The following SOCS7 variants were observed in gnomAD, a reference collection of about 807,000 sequenced individuals.
SOCS7 encodes the protein suppressor of cytokine signaling 7.
A neutral mutation model predicts 58.9 loss-of-function variants in SOCS7; 18 were observed. The ratio of observed to expected loss-of-function variants is 0.31; its 90% CI spans 0.21 to 0.45. The LOEUF (loss-of-function observed/expected upper bound fraction) is 0.45. SOCS7 is among the 20% of genes least tolerant of loss of function. SOCS7 has a pLI of 1.00. For synonymous variants in SOCS7, 388 were observed against 364.3 expected, an observed-to-expected ratio of 1.06 and a Z score of -0.74; for missense variants, 667 against 837.3, an observed-to-expected ratio of 0.80 and a Z score of 2.51.
chr17:38,359,582 C>T (rs1777503158), intron 1 of SOCS7, among the ~76,000 whole-genome samples: 1 of 151,958 alleles, frequency 6.6e-6, no homozygotes, highest in African/African-American at 2.4e-5. Flanking sequence ...ATTTTCTTTG[C>T]TTTTGCCCCT....
intron 3 of SOCS7, among the ~76,000 whole-genome samples, 197 bp downstream of exon 3, chr17:38,365,053 A>G (rs1226319505): frequency 6.6e-6 from 1 of 152,202 alleles, no homozygotes; most frequent in African/African-American, 2.4e-5. Context: ...TACTATACAT[A>G]TATTAATTCA....
intron 6 of SOCS7, among the ~76,000 whole-genome samples, chr17:38,377,403 A>G (rs951682088): frequency 1.3e-5 from 2 of 152,216 alleles, no homozygotes; most frequent in African/African-American, 2.4e-5. Context: ...GTATAATGCA[A>G]ATATTCCAAA....
rs1370792914 is a variant in SOCS7 at position 38,404,254 on chromosome 17, A to ATT, written c.*4773_*4774dup. The ATT allele has an allele frequency of 2.6e-5, 4 of 152,100 alleles. No homozygotes were observed. In the East Asian group the frequency reaches 5.8e-4, roughly 22 times the overall value. The allele number at this position is 152,100 out of a possible 1,614,324, so 9.4% of individuals were successfully genotyped here. On this transcript the variant is annotated 3_prime_UTR_variant, in exon 10 of 10. Transcript: ENST00000612932. ...GTTATGAGTTGTACTGAAAATGTTG[A>ATT]TTCTCTAATCTGCCAGAAAAGGACC...
intron 7 of SOCS7, among the ~76,000 whole-genome samples, chr17:38,383,889 T>C (rs1363431971): frequency 6.6e-6 from 1 of 152,162 alleles, no homozygotes; most frequent in Non-Finnish European, 1.5e-5. Flanking sequence ...CATTTGCTGA[T>C]GAGATATTAG....
In SOCS7 at chr17:38,384,008, C is replaced by T. The variant is rs376853310; in HGVS notation, c.1681+6166C>T. ...AGCATCTCCCCAGTAAGCGGTTCGTCCTTGTTTTATAGGTACAGAGTCATG... is the reference window on the plus strand; with the variant it reads ...AGCATCTCCCCAGTAAGCGGTTCGTTCTTGTTTTATAGGTACAGAGTCATG... On this transcript the variant is annotated intron_variant, in intron 7 of 9. Transcript: ENST00000612932. Among the ~76,000 whole-genome samples, 33 of 152,258 alleles carry T rather than the reference C, an allele frequency of 2.2e-4. 1 individual carries two copies. In the South Asian group the frequency reaches 3.5e-3, roughly 16 times the overall value.
At chr17:38,395,158 C>A (rs2038228845) in intron 7 of SOCS7, 151 bp from the exon 8 acceptor site, 1 of 680,298 alleles carries the variant, frequency 1.5e-6, no homozygotes, top group African/African-American at 1.8e-5. Flanking sequence ...AAATGGAAAT[C>A]AACAGCACTT....
chr17:38,383,975 T>A lies in SOCS7; in HGVS notation c.1681+6133T>A, dbSNP rs116866222. On this transcript the variant is annotated intron_variant, in intron 7 of 9. Coordinates refer to ENST00000612932, the MANE Select transcript of SOCS7 (RefSeq NM_014598.4). ...TCCTTTCCTGGGGATTTGTGACCAG[T>A]GTCTCTGAGCATCTCCCCAGTAAGC... Among the ~76,000 whole-genome samples the A allele has an allele frequency of 5.3e-4, 80 of 152,326 alleles. 1 individual carries two copies. The East Asian group carries it at 0.014, about 27-fold the overall frequency.
rs2038320487 is a variant in SOCS7 at position 38,401,644 on chromosome 17, G to A, written c.*2162G>A. ...GGACTATCTAAAGACGTTTATAGTA[G>A]ATAAGATCAGGGTAGACCAGATGGT... On this transcript the variant is annotated 3_prime_UTR_variant, in exon 10 of 10. Coordinates refer to ENST00000612932, the MANE Select transcript of SOCS7 (RefSeq NM_014598.4). 1 of 152,170 alleles carries A rather than the reference G, an allele frequency of 6.6e-6. No individual in the cohort carries two copies. The highest frequency in any genetic ancestry group is 1.5e-5 in the Non-Finnish European group (1 of 68,036). The allele number at this position is 152,170 out of a possible 1,614,324, so 9.4% of individuals were successfully genotyped here.
In SOCS7 at chr17:38,400,817, T is replaced by A. The variant is rs1479270965; in HGVS notation, c.*1335T>A. On this transcript the variant is annotated 3_prime_UTR_variant, in exon 10 of 10. Transcript: ENST00000612932. ...GGAGAAAAACTCCAATGGTCTTTAATGGTTTCTGCAGCTGGCCATGGCCAA... is the reference window on the plus strand; with the variant it reads ...GGAGAAAAACTCCAATGGTCTTTAAAGGTTTCTGCAGCTGGCCATGGCCAA... The A allele has an allele frequency of 2.0e-5, 3 of 152,238 alleles. No individual in the cohort carries two copies. Among genetic ancestry groups the A allele is most frequent in the African/African-American group, 7.2e-5 (3 of 41,460 alleles). 9.4% of individuals were successfully genotyped at this position (152,238 alleles called of 1,614,324 possible).
At position 38,387,129 on chromosome 17, in the gene SOCS7, G is replaced by A. The variant is rs927023989; in HGVS notation, c.1682-8180G>A. Among the ~76,000 whole-genome samples the A allele has an allele frequency of 3.7e-3, 241 of 64,630 alleles. 7 individuals carry two copies. The highest frequency in any genetic ancestry group is 0.021 in the African/African-American group (209 of 9,918). The allele number at this position is 64,630 out of a possible 152,430, so 42.4% of individuals were successfully genotyped here. A position where few individuals can be genotyped will look rare whatever the true frequency, so the allele number is the denominator to read the frequency against. On this transcript the variant is annotated intron_variant, in intron 7 of 9. Transcript: ENST00000612932. ...TATATATATATATATATATATATAT[G>A]TATGTATATATATATATATATATGA...
intron 6 of SOCS7, among the ~76,000 whole-genome samples, chr17:38,376,559 C>T (rs898803633): frequency 2.0e-5 from 3 of 152,018 alleles, no homozygotes; most frequent in Non-Finnish European, 2.9e-5. Flanking sequence ...TGGTGAAACC[C>T]TGTCTCTACT....
intron 7 of SOCS7, among the ~76,000 whole-genome samples, chr17:38,379,520 C>T (rs550583395): frequency 1.3e-5 from 2 of 152,086 alleles, no homozygotes; most frequent in Non-Finnish European, 2.9e-5. Flanking sequence ...AAAATGAGAA[C>T]TTCATGCTTT....
At chr17:38,353,065 C>A (rs1203905134) in intron 1 of SOCS7, 33 bp downstream of exon 1, 4 of 1,511,360 alleles carry the variant, frequency 2.6e-6, no homozygotes, top group Non-Finnish European at 3.5e-6. Flanking sequence ...CGACAAACTT[C>A]CTTTTCTTGT....
rs868000445 is a variant in SOCS7 at position 38,389,904 on chromosome 17, T to G, written c.1682-5405T>G. On this transcript the variant is annotated intron_variant, in intron 7 of 9. Coordinates refer to ENST00000612932, the MANE Select transcript of SOCS7 (RefSeq NM_014598.4). The stretch of plus-strand genomic sequence containing the variant: ...ATATGTACATATATATATATACACA[T>G]ATAGAGAGAGAGAGAGAGAGAGAGT... Among the ~76,000 whole-genome samples, 55 of 111,510 alleles carry G rather than the reference T, an allele frequency of 4.9e-4. 2 individuals carry two copies. Among genetic ancestry groups the G allele is most frequent in the African/African-American group, 2.2e-3 (51 of 23,544 alleles). 73.2% of individuals were successfully genotyped at this position (111,510 alleles called of 152,430 possible). A position where few individuals can be genotyped will look rare whatever the true frequency, so the allele number is the denominator to read the frequency against.
At chr17:38,373,106 CAAA>C (rs372032423) in intron 6 of SOCS7, among the ~76,000 whole-genome samples, 1 of 113,074 alleles carries the variant, frequency 8.8e-6, no homozygotes. Context: ...AACTCTGTCT[CAAA>C]AAAAAAAAAG....
chr17:38,388,619 A>G (rs2038111667), intron 7 of SOCS7, among the ~76,000 whole-genome samples: 1 of 152,222 alleles, frequency 6.6e-6, no homozygotes, highest in Non-Finnish European at 1.5e-5. Context: ...TCATCACACC[A>G]AAATGAAAAC....
chr17:38,381,770 C>T (rs2038003133), intron 7 of SOCS7, among the ~76,000 whole-genome samples: 1 of 151,186 alleles, frequency 6.6e-6, no homozygotes, highest in African/African-American at 2.4e-5. Context: ...TCAAGACCAC[C>T]CTGGGCAATA....
At chr17:38,387,565 AATAT>A (rs1414002756) in intron 7 of SOCS7, among the ~76,000 whole-genome samples, 4 of 130,556 alleles carry the variant, frequency 3.1e-5, no homozygotes, top group Non-Finnish European at 6.2e-5. Flanking sequence ...CACAATACAT[AATAT>A]ATATACACAA....
At chr17:38,396,096 G>A in intron 9 of SOCS7, 98 bp downstream of exon 9, 1 of 986,084 alleles carries the variant, frequency 1.0e-6, no homozygotes. Flanking sequence ...TCCCAACATG[G>A]ATAGCCCCGA....
Sources: gnomAD v4.1 joint callset for allele counts (sites outside exome capture counted in the v4.1 genomes callset) on GRCh38, gnomAD v4.1.1 for gene constraint, MANE v1.5 for transcripts, NCBI Gene and HGNC (gene_info 2026-07-23, HGNC 2026-07-21) for gene names.